Variants in CDH13 observed in about 807,000 individuals in gnomAD.
The protein encoded by CDH13 is cadherin 13.
Under a neutral mutation model 63.8 loss-of-function variants are expected in CDH13, and 24 were observed. The ratio of observed to expected loss-of-function variants is 0.38; its 90% CI spans 0.27 to 0.53. CDH13 has a LOEUF of 0.53. Ranked by LOEUF, CDH13 falls within the 20% of genes least tolerant of loss-of-function variation. The pLI is 0.85. For missense variants in CDH13, 1,049 were observed against 903.1 expected, an observed-to-expected ratio of 1.16 and a Z score of -2.07; for synonymous variants, 503 against 355.3, an observed-to-expected ratio of 1.42 and a Z score of -4.67.
intron 1 of CDH13, among the ~76,000 whole-genome samples, chr16:82,676,575 C>G (rs1366018222): frequency 7.1e-6 from 1 of 140,710 alleles, no homozygotes; most frequent in African/African-American, 2.6e-5. Flanking sequence ...TCCAATCTTT[C>G]TCTTCTCCCC....
intron 13 of CDH13, among the ~76,000 whole-genome samples, chr16:83,794,417 G>C (rs1481047363): frequency 2.0e-5 from 3 of 152,018 alleles, no homozygotes; most frequent in Non-Finnish European, 2.9e-5. Context: ...GCCAGGCATG[G>C]CGGTGCATGC....
intron 2 of CDH13, among the ~76,000 whole-genome samples, chr16:82,935,351 C>T (rs767142692): frequency 9.9e-5 from 15 of 152,090 alleles, no homozygotes; most frequent in Non-Finnish European, 1.9e-4. Context: ...TCCCCCAACA[C>T]GTGGGGATTA....
intron 7 of CDH13, among the ~76,000 whole-genome samples, chr16:83,487,568 C>A (rs771809809): frequency 3.3e-5 from 5 of 152,150 alleles, no homozygotes; most frequent in Non-Finnish European, 7.3e-5. Context: ...AAGTAGAAGA[C>A]CCTCGCGGAC....
At position 83,715,891 on chromosome 16, in the gene CDH13, G is replaced by A. The variant is rs989273370; in HGVS notation, c.1539-32217G>A. Among the ~76,000 whole-genome samples, 60 of 152,092 alleles carry A rather than the reference G, an allele frequency of 3.9e-4. 1 individual carries two copies. The highest frequency in any genetic ancestry group is 1.3e-3 in the African/African-American group (54 of 41,488). Reference sequence around the variant, plus strand: ...AAGACGAAATGCCTTCCTGGGTGGGGAAAAAAACAACAGATGTCCACTACC... The same window carrying A: ...AAGACGAAATGCCTTCCTGGGTGGGAAAAAAAACAACAGATGTCCACTACC... On this transcript the variant is annotated intron_variant, in intron 10 of 13. Coordinates refer to ENST00000567109, the MANE Select transcript of CDH13 (RefSeq NM_001257.5).
intron 1 of CDH13, chr16:82,829,536 G>C (rs1038232250): frequency 6.6e-6 from 1 of 152,056 alleles, no homozygotes; most frequent in Non-Finnish European, 1.5e-5. Flanking sequence ...GCAGTCGGAA[G>C]ACAGAGAAAA....
At chr16:83,529,571 T>C (rs2075037412) in intron 7 of CDH13, among the ~76,000 whole-genome samples, 1 of 152,200 alleles carries the variant, frequency 6.6e-6, no homozygotes, top group Non-Finnish European at 1.5e-5. Context: ...GCATGCCATT[T>C]TTTTGTGAAA....
In CDH13 at chr16:83,032,159, G is replaced by A. The variant is rs752907921; in HGVS notation, c.307G>A (p.Ala103Thr). The A allele has an allele frequency of 6.2e-7, 1 of 1,613,774 alleles. No homozygotes were observed. Among genetic ancestry groups the A allele is most frequent in the Non-Finnish European group, 8.5e-7 (1 of 1,179,792 alleles). Reference protein sequence around the residue: ...TLFVHARTPHAEDMAELVIVG... With the variant: ...TLFVHARTPHTEDMAELVIVG... The stretch of plus-strand genomic sequence containing the variant: ...GTTCGTCCATGCACGGACCCCCCAT[G>A]CGGAAGATATGGCAGAACTCGTGAT... Residue 103 changes from alanine (A) to threonine (T), a missense_variant, in exon 3 of 14, where the codon GCG (alanine) becomes ACG (threonine). Physicochemically the swap from Ala to Thr is moderately conservative, Grantham distance 58. Coordinates refer to ENST00000567109, the MANE Select transcript of CDH13 (RefSeq NM_001257.5).
In CDH13 at chr16:83,216,443, T is replaced by TATATATATATAC. The variant is rs1472700247; in HGVS notation, c.484-901_484-900insTATATATATACA. On this transcript the variant is annotated intron_variant, in intron 4 of 13. Transcript: ENST00000567109. The stretch of plus-strand genomic sequence containing the variant: ...ATATATATATATATATATATATATA[T>TATATATATATAC]ACACAACCCTAATTTGAGGTTTATA... Among the ~76,000 whole-genome samples, 621 of 93,386 alleles carry TATATATATATAC rather than the reference T, an allele frequency of 6.6e-3. 35 individuals carry two copies. The highest frequency in any genetic ancestry group is 0.011 in the African/African-American group (275 of 25,368). The allele number at this position is 93,386 out of a possible 152,430, so 61.3% of individuals were successfully genotyped here.
At chr16:83,121,118 G>A (rs544128703) in intron 3 of CDH13, among the ~76,000 whole-genome samples, 40 of 152,096 alleles carry the variant, frequency 2.6e-4, no homozygotes, top group African/African-American at 8.2e-4. Context: ...TTTTTTGTTC[G>A]TTTTGTTATA....
intron 2 of CDH13, among the ~76,000 whole-genome samples, chr16:82,952,270 GC>G (rs2151325032): frequency 6.6e-6 from 1 of 152,246 alleles, no homozygotes; most frequent in South Asian, 2.1e-4. Flanking sequence ...CTGAGCGTGG[GC>G]AGCTTTCTTA....
chr16:83,101,724 G>C (rs1167880870), intron 3 of CDH13, among the ~76,000 whole-genome samples: 1 of 152,206 alleles, frequency 6.6e-6, no homozygotes. Flanking sequence ...AACCTGGGAG[G>C]CAGAGGTTGC....
chr16:83,648,726 C>T (rs1263669318), intron 8 of CDH13, among the ~76,000 whole-genome samples: 1 of 152,136 alleles, frequency 6.6e-6, no homozygotes, highest in Non-Finnish European at 1.5e-5. Context: ...AAAATCGAGT[C>T]AGTATCATTC....
At chr16:83,480,321 A>T (rs527442862) in intron 6 of CDH13, among the ~76,000 whole-genome samples, 1 of 152,192 alleles carries the variant, frequency 6.6e-6, no homozygotes, top group Non-Finnish European at 1.5e-5. Context: ...GTCTCAAACA[A>T]CAACAATAAA....
chr16:82,981,585 G>T (rs561333725), intron 2 of CDH13, among the ~76,000 whole-genome samples: 16 of 152,158 alleles, frequency 1.1e-4, no homozygotes, highest in African/African-American at 1.7e-4. Flanking sequence ...TCCAGCATTT[G>T]GTTCTTTCTT....
chr16:82,990,482 G>T (rs1211324535), intron 2 of CDH13, among the ~76,000 whole-genome samples: 4 of 151,752 alleles, frequency 2.6e-5, no homozygotes, highest in Non-Finnish European at 5.9e-5. Flanking sequence ...TTGGATGGCA[G>T]TCTAGCCAAG....
At chr16:83,201,744 T>TAAA (rs556572476) in intron 4 of CDH13, among the ~76,000 whole-genome samples, 1 of 132,184 alleles carries the variant, frequency 7.6e-6, no homozygotes, top group Admixed American at 7.5e-5. Flanking sequence ...AAAAAAAAAT[T>TAAA]AAAAAAAAAA....
intron 3 of CDH13, among the ~76,000 whole-genome samples, chr16:83,102,948 C>A (rs12929181): frequency 1.4e-5 from 1 of 69,024 alleles, no homozygotes; most frequent in Non-Finnish European, 2.5e-5. Context: ...TTTTCTTTTT[C>A]TTTTTTTTTT....
intron 6 of CDH13, among the ~76,000 whole-genome samples, chr16:83,407,213 A>C (rs1034599560): frequency 6.6e-6 from 1 of 152,226 alleles, no homozygotes; most frequent in African/African-American, 2.4e-5. Flanking sequence ...AGCACATGCT[A>C]TTTGCATCCT....
At chr16:82,896,755 G>C (rs924327375) in intron 2 of CDH13, among the ~76,000 whole-genome samples, 3 of 139,296 alleles carry the variant, frequency 2.2e-5, no homozygotes, top group African/African-American at 7.9e-5. Flanking sequence ...AATTATTTTA[G>C]ACTGCTGTGC....
Sources: allele counts gnomAD v4.1 joint callset (sites outside exome capture counted in the v4.1 genomes callset), GRCh38; gene constraint gnomAD v4.1.1; transcripts MANE v1.5; gene names NCBI Gene and HGNC (gene_info 2026-07-23, HGNC 2026-07-21).